Variants in CACNB4 observed in about 807,000 individuals in gnomAD.
CACNB4 encodes the protein voltage-dependent L-type calcium channel subunit beta-4.
Under a neutral mutation model 71.2 loss-of-function variants are expected in CACNB4, and 32 were observed. The observed-to-expected ratio is 0.45, with a 90% CI of 0.34 to 0.60. The LOEUF (loss-of-function observed/expected upper bound fraction) is 0.60. Ranked by LOEUF, CACNB4 falls within the 20% of genes least tolerant of loss-of-function variation. The pLI, the probability that CACNB4 is intolerant of heterozygous loss-of-function variation, is 0.01. For missense variants in CACNB4, 464 were observed against 647.9 expected, an observed-to-expected ratio of 0.72 and a Z score of 3.08; for synonymous variants, 231 against 236.9, an observed-to-expected ratio of 0.97 and a Z score of 0.23.
At chr2:152,066,887 C>T (rs1449485815) in intron 2 of CACNB4, among the ~76,000 whole-genome samples, 98 of 145,670 alleles carry the variant, frequency 6.7e-4, no homozygotes, top group Middle Eastern at 3.4e-3. Flanking sequence ...AGTAAACTAC[C>T]GCAAGAACAA....
chr2:152,016,868 T>C (rs1683375342), intron 2 of CACNB4, among the ~76,000 whole-genome samples: 1 of 152,234 alleles, frequency 6.6e-6, no homozygotes, highest in Admixed American at 6.5e-5. Flanking sequence ...AAATTATTTT[T>C]CTATATTAAT....
At chr2:151,968,819 G>A (rs1278475543) in intron 2 of CACNB4, 1 of 152,120 alleles carries the variant, frequency 6.6e-6, no homozygotes, top group Admixed American at 6.6e-5. Context: ...AGCAGAAAAG[G>A]AGACATGGAA....
Position 151,909,414 on chromosome 2 carries a change from C to A in CACNB4, c.148-26044G>T, listed in dbSNP as rs540200196. 1.4e-4 allele frequency among the ~76,000 whole-genome samples: 20 copies of A among 145,058 alleles called. No individual in the cohort carries two copies. The East Asian group carries it at 3.6e-3, about 26-fold the overall frequency. ...TCATGCCACTGCACTCCAGCCTGGG[C>A]GACACAGCGAGACTCCATCTCAGGG... On this transcript the variant is annotated intron_variant, in intron 2 of 13. Transcript: ENST00000539935.
intron 2 of CACNB4, among the ~76,000 whole-genome samples, chr2:151,926,535 C>A (rs998537745): frequency 1.3e-5 from 2 of 152,044 alleles, no homozygotes; most frequent in South Asian, 2.1e-4. Flanking sequence ...CCCAAAGAAT[C>A]TATGGATAGA....
intron 2 of CACNB4, among the ~76,000 whole-genome samples, chr2:151,953,808 G>T (rs1340578963): frequency 6.6e-6 from 1 of 152,124 alleles, no homozygotes; most frequent in East Asian, 1.9e-4. Flanking sequence ...AAGTTCCATA[G>T]GTACTTGTGA....
At chr2:151,989,287 C>G (rs969418652) in intron 2 of CACNB4, among the ~76,000 whole-genome samples, 1 of 152,188 alleles carries the variant, frequency 6.6e-6, no homozygotes, top group South Asian at 2.1e-4. Context: ...TCTATCTGTC[C>G]TTCATAGCCA....
At position 152,008,055 on chromosome 2, in the gene CACNB4, C is replaced by T. The variant is rs111383150; in HGVS notation, c.147+90275G>A. ...CCAAAGTGCTGGGATTAGGTGCCAGCCACCATGCCCTGCCAATTCTACATA... is the reference window on the plus strand; with the variant it reads ...CCAAAGTGCTGGGATTAGGTGCCAGTCACCATGCCCTGCCAATTCTACATA... On this transcript the variant is annotated intron_variant, in intron 2 of 13. Coordinates refer to ENST00000539935, the MANE Select transcript of CACNB4 (RefSeq NM_000726.5). 4.1e-3 allele frequency among the ~76,000 whole-genome samples: 621 copies of T among 152,142 alleles called. 3 individuals carry two copies. Among genetic ancestry groups the T allele is most frequent in the African/African-American group, 0.014 (578 of 41,510 alleles).
At chr2:151,844,758 C>T (rs573878253) in intron 12 of CACNB4, among the ~76,000 whole-genome samples, 17 of 152,320 alleles carry the variant, frequency 1.1e-4, no homozygotes, top group Middle Eastern at 3.4e-3. Flanking sequence ...AAAGAGGAAA[C>T]GAGGCAGCAC....
At chr2:151,928,927 A>AC (rs370589412) in intron 2 of CACNB4, among the ~76,000 whole-genome samples, 3 of 151,748 alleles carry the variant, frequency 2.0e-5, no homozygotes, top group African/African-American at 7.3e-5. Flanking sequence ...GAAAAAAAAA[A>AC]AAAACATAAT....
intron 2 of CACNB4, among the ~76,000 whole-genome samples, chr2:151,915,543 C>G (rs941443315): frequency 6.6e-6 from 1 of 152,170 alleles, no homozygotes; most frequent in South Asian, 2.1e-4. Context: ...AGCTGAGAGG[C>G]TGTAAGAATG....
intron 2 of CACNB4, among the ~76,000 whole-genome samples, chr2:151,991,602 G>A (rs1194331878): frequency 6.6e-6 from 1 of 152,154 alleles, no homozygotes; most frequent in Non-Finnish European, 1.5e-5. Context: ...TGTGCTTCTT[G>A]CTTTCTAAAG....
At chr2:152,036,020 C>T (rs963347779) in intron 2 of CACNB4, among the ~76,000 whole-genome samples, 4 of 152,196 alleles carry the variant, frequency 2.6e-5, no homozygotes, top group African/African-American at 4.8e-5. Flanking sequence ...CCATATGTAA[C>T]GTGGATGAAA....
rs2099834756 is a variant in CACNB4 at position 151,835,744 on chromosome 2, C to T, written c.*3375G>A. The stretch of plus-strand genomic sequence containing the variant: ...CACTTCCTATTATGAATTTTAAGGC[C>T]CCCACACAAAAGACAAGTTCAAGTA... On this transcript the variant is annotated 3_prime_UTR_variant, in exon 14 of 14. Coordinates refer to ENST00000539935, the MANE Select transcript of CACNB4 (RefSeq NM_000726.5). 6.6e-6 allele frequency: 1 copy of T among 151,580 alleles called. No individual in the cohort carries two copies. Among genetic ancestry groups the T allele is most frequent in the South Asian group, 2.1e-4 (1 of 4,830 alleles). The allele number at this position is 151,580 out of a possible 1,614,324, so 9.4% of individuals were successfully genotyped here.
intron 2 of CACNB4, among the ~76,000 whole-genome samples, chr2:151,901,030 G>C (rs1418806733): frequency 9.1e-6 from 1 of 109,796 alleles, no homozygotes; most frequent in East Asian, 2.6e-4. Flanking sequence ...GTCTCATTCT[G>C]TCGTCTAGGC....
At chr2:151,961,179 T>C (rs1025193054) in intron 2 of CACNB4, among the ~76,000 whole-genome samples, 4 of 152,198 alleles carry the variant, frequency 2.6e-5, no homozygotes, top group Admixed American at 1.3e-4. Context: ...CTCACTATTA[T>C]ATGTGGTGGG....
chr2:151,920,837 C>T (rs2151570132), intron 2 of CACNB4, among the ~76,000 whole-genome samples: 1 of 152,130 alleles, frequency 6.6e-6, no homozygotes, highest in Non-Finnish European at 1.5e-5. Context: ...TTAGCTTTTG[C>T]CATCTTAAAA....
chr2:151,874,999 G>A (rs1041914933), intron 5 of CACNB4: 9 of 400,470 alleles, frequency 2.2e-5, no homozygotes, highest in Middle Eastern at 6.2e-4. Context: ...TATCAGTGCC[G>A]GGACCTGCAC....
chr2:152,073,436 AGTAAAC>A (rs1686811674), intron 2 of CACNB4, among the ~76,000 whole-genome samples: 1 of 152,166 alleles, frequency 6.6e-6, no homozygotes, highest in Non-Finnish European at 1.5e-5. Context: ...TCGCCTGTGT[AGTAAAC>A]TGGCAATCGT....
At chr2:152,073,367 A>G (rs1043567780) in intron 2 of CACNB4, among the ~76,000 whole-genome samples, 8 of 152,144 alleles carry the variant, frequency 5.3e-5, no homozygotes, top group African/African-American at 1.4e-4. Flanking sequence ...CCCCATGCCA[A>G]ATTCAATATA....
Sources: gnomAD v4.1 joint callset for allele counts (sites outside exome capture counted in the v4.1 genomes callset) on GRCh38, gnomAD v4.1.1 for gene constraint, MANE v1.5 for transcripts, NCBI Gene and HGNC (gene_info 2026-07-23, HGNC 2026-07-21) for gene names.